Variants in EYS observed in about 807,000 individuals in gnomAD.
EYS encodes protein eyes shut homolog.
In EYS, 250 loss-of-function variants were observed where a neutral mutation model predicts 282.1. That is an observed-to-expected ratio of 0.89 (90% CI 0.80 to 0.98). The LOEUF (loss-of-function observed/expected upper bound fraction) is 0.98. EYS is among the 50% of genes least tolerant of loss of function. The probability of loss-of-function intolerance (pLI) is 0.00; values close to 1 mark genes in which losing one functional copy is unlikely to be tolerated. For synonymous variants in EYS, 1,355 were observed against 1,282.9 expected (o/e 1.06, Z -1.20); for missense variants, 4,016 against 3,709.0 (o/e 1.08, Z -2.15).
At chr6:64,400,754 C>G (rs1773515114) in intron 28 of EYS, among the ~76,000 whole-genome samples, 1 of 152,032 alleles carries the variant, frequency 6.6e-6, no homozygotes, top group Non-Finnish European at 1.5e-5. Context: ...ACCGAGGGTG[C>G]TTTAAAGGTC....
intron 14 of EYS, among the ~76,000 whole-genome samples, chr6:64,973,993 A>C (rs2150112564): frequency 6.6e-6 from 1 of 152,064 alleles, no homozygotes; most frequent in East Asian, 1.9e-4. Flanking sequence ...TTTAGAAAAC[A>C]TTCATTGAGA....
chr6:64,081,981 G>A lies in EYS; in HGVS notation c.6446C>T (p.Ser2149Phe). The A allele has an allele frequency of 6.5e-7, 1 of 1,543,080 alleles. No individual in the cohort carries two copies. Reference sequence around the variant, plus strand: ...TTCTAAATAGGAATTCCCATTGAAAGATGGAAAGAATAAACCTGCATCTAA... The same window carrying A: ...TTCTAAATAGGAATTCCCATTGAAAAATGGAAAGAATAAACCTGCATCTAA... ...CEKDAGLFFP[S>F]FNGNSYLELP... is the part of the protein sequence containing the mutation. Residue 2149 changes from serine to phenylalanine, a missense_variant, in exon 32 of 43, where the codon TCT becomes TTT. Ser to Phe is a radical substitution (Grantham distance 155, BLOSUM62 -2). Coordinates refer to ENST00000503581, the MANE Select transcript of EYS (RefSeq NM_001142800.2).
chr6:65,493,590 G>A (rs1191475678), intron 4 of EYS, among the ~76,000 whole-genome samples: 2 of 151,802 alleles, frequency 1.3e-5, no homozygotes, highest in East Asian at 3.9e-4. Context: ...ACTTTCCTCC[G>A]ATGACCCCAG....
chr6:64,829,998 G>C (rs1198133950), intron 19 of EYS, among the ~76,000 whole-genome samples: 1 of 151,950 alleles, frequency 6.6e-6, no homozygotes, highest in African/African-American at 2.4e-5. Context: ...AAGGAAAGAA[G>C]TTCCTTATTG....
intron 31 of EYS, among the ~76,000 whole-genome samples, chr6:64,206,199 A>G (rs1350366252): frequency 6.6e-6 from 1 of 152,154 alleles, no homozygotes; most frequent in Non-Finnish European, 1.5e-5. Context: ...TAATGTGTAG[A>G]TTTTATAAAT....
intron 4 of EYS, among the ~76,000 whole-genome samples, chr6:65,494,092 G>A (rs1311097973): frequency 6.6e-6 from 1 of 152,054 alleles, no homozygotes; most frequent in Non-Finnish European, 1.5e-5. Context: ...AATGGATGTT[G>A]GGAAAGATGT....
chr6:64,917,226 G>C (rs1768193421), intron 15 of EYS, among the ~76,000 whole-genome samples: 1 of 148,602 alleles, frequency 6.7e-6, no homozygotes, highest in South Asian at 2.1e-4. Flanking sequence ...TCCAGCCTGG[G>C]TGACAGAGCG....
At chr6:64,880,936 G>C (rs982790601) in intron 19 of EYS, among the ~76,000 whole-genome samples, 76 of 150,970 alleles carry the variant, frequency 5.0e-4, no homozygotes, top group African/African-American at 1.8e-3. Context: ...AAATAAATGT[G>C]AATAAATTTT....
At chr6:64,761,605 T>TGC (rs1773161010) in intron 22 of EYS, among the ~76,000 whole-genome samples, 1 of 152,124 alleles carries the variant, frequency 6.6e-6, no homozygotes, top group Non-Finnish European at 1.5e-5. Flanking sequence ...TACTGGCGCA[T>TGC]GCCACCATGC....
At chr6:63,742,154 G>A (rs1769091737) in intron 41 of EYS, among the ~76,000 whole-genome samples, 1 of 152,148 alleles carries the variant, frequency 6.6e-6, no homozygotes, top group Non-Finnish European at 1.5e-5. Flanking sequence ...GACCATTTAT[G>A]AATCCAAATC....
chr6:65,481,418 T>C (rs1301674823), intron 5 of EYS, among the ~76,000 whole-genome samples: 1 of 152,202 alleles, frequency 6.6e-6, no homozygotes, highest in Non-Finnish European at 1.5e-5. Flanking sequence ...CATTTCTCAA[T>C]ACAAGCAATA....
intron 35 of EYS, among the ~76,000 whole-genome samples, chr6:63,951,349 T>C (rs768657939): frequency 2.6e-5 from 4 of 152,160 alleles, no homozygotes; most frequent in South Asian, 2.1e-4. Flanking sequence ...GTAATTCTTG[T>C]TGTAAAATGG....
Position 64,120,357 on chromosome 6 carries a change from T to TAAAAA in EYS, c.6425-38360_6425-38356dup, listed in dbSNP as rs34632243. On this transcript the variant is annotated intron_variant, in intron 31 of 42. Transcript: ENST00000503581. The stretch of plus-strand genomic sequence containing the variant: ...GGTGACAGAGCGAGACTCCATCTCT[T>TAAAAA]AAAAAAAAAAAAAAAAAAAAAAAAA... 2.8e-3 allele frequency among the ~76,000 whole-genome samples: 215 copies of TAAAAA among 76,762 alleles called. 4 individuals are homozygous for TAAAAA. The highest frequency in any genetic ancestry group is 0.013 in the African/African-American group (210 of 16,522). 50.4% of individuals were successfully genotyped at this position (76,762 alleles called of 152,430 possible).
chr6:65,225,852 A>C (rs913954574), intron 12 of EYS, among the ~76,000 whole-genome samples: 6 of 152,098 alleles, frequency 3.9e-5, no homozygotes, highest in Non-Finnish European at 8.8e-5. Context: ...TTTTGTAATA[A>C]AAACACTCAA....
intron 2 of EYS, among the ~76,000 whole-genome samples, chr6:65,511,963 T>G (rs1319776638): frequency 8.0e-6 from 1 of 125,288 alleles, no homozygotes; most frequent in Admixed American, 1.0e-4. Context: ...CCAGCCTGGG[T>G]GATGCAGCAA....
intron 31 of EYS, among the ~76,000 whole-genome samples, chr6:64,112,293 C>A (rs1169965224): frequency 6.6e-6 from 1 of 151,880 alleles, no homozygotes. Context: ...GGACTCCATG[C>A]ATTTTTTTCA....
chr6:64,515,224 G>A (rs1777528488), intron 26 of EYS, among the ~76,000 whole-genome samples: 1 of 151,426 alleles, frequency 6.6e-6, no homozygotes, highest in Admixed American at 6.6e-5. Flanking sequence ...ATTTTATATG[G>A]ATTAAGAATA....
chr6:63,733,711 A>G (rs1194610839), intron 41 of EYS, among the ~76,000 whole-genome samples: 4 of 152,142 alleles, frequency 2.6e-5, no homozygotes, highest in Admixed American at 2.6e-4. Flanking sequence ...ACTCAATTCT[A>G]TGAACCTCAG....
At chr6:65,323,489 G>C (rs1769534056) in intron 11 of EYS, among the ~76,000 whole-genome samples, 1 of 152,082 alleles carries the variant, frequency 6.6e-6, no homozygotes, top group Non-Finnish European at 1.5e-5. Flanking sequence ...TTTGTGTAAG[G>C]TTGCAGACTT....
Sources: gnomAD v4.1 joint callset for allele counts (sites outside exome capture counted in the v4.1 genomes callset) on GRCh38, gnomAD v4.1.1 for gene constraint, MANE v1.5 for transcripts, NCBI Gene and HGNC (gene_info 2026-07-23, HGNC 2026-07-21) for gene names.